The following DLG1 variants were observed in gnomAD, a reference collection of about 807,000 sequenced individuals.
The protein encoded by DLG1 is discs large MAGUK scaffold protein 1.
DLG1 carries 42 observed loss-of-function variants against 123.4 expected under a neutral mutation model. The ratio of observed to expected loss-of-function variants is 0.34; its 90% CI spans 0.27 to 0.44. The LOEUF (loss-of-function observed/expected upper bound fraction) is 0.44. DLG1 is among the 20% of genes least tolerant of loss of function. DLG1 has a pLI of 1.00. For missense variants in DLG1, 942 were observed against 1,082.6 expected (o/e 0.87, Z 1.82); for synonymous variants, 317 against 356.2 (o/e 0.89, Z 1.24).
intron 14 of DLG1, among the ~76,000 whole-genome samples, chr3:197,095,037 G>A (rs1759859614): frequency 6.6e-6 from 1 of 152,032 alleles, no homozygotes; most frequent in Non-Finnish European, 1.5e-5. Context: ...TTCTTCCTAG[G>A]AGACTCCTAT....
At chr3:197,117,564 G>T (rs985225382) in intron 12 of DLG1, among the ~76,000 whole-genome samples, 3 of 152,058 alleles carry the variant, frequency 2.0e-5, no homozygotes, top group Non-Finnish European at 4.4e-5. Flanking sequence ...AGTGAAATAG[G>T]CCAGTCACAA....
Position 197,278,812 on chromosome 3 carries a change from G to C in DLG1, c.318+3867C>G, listed in dbSNP as rs190828345. On this transcript the variant is annotated intron_variant, in intron 4 of 24. Coordinates refer to ENST00000667157, the MANE Select transcript of DLG1 (RefSeq NM_001366207.1). The stretch of plus-strand genomic sequence containing the variant: ...GCATTTTAAGAGAATAACAGTCAAG[G>C]CTTTGTGAAAATTGAGCAATCTTAA... Among the ~76,000 whole-genome samples, 870 of 151,738 alleles carry C rather than the reference G, an allele frequency of 5.7e-3. 7 individuals carry two copies. Among genetic ancestry groups the C allele is most frequent in the African/African-American group, 0.019 (776 of 41,432 alleles).
At chr3:197,054,216 T>C (rs1730023928) in intron 23 of DLG1, among the ~76,000 whole-genome samples, 1 of 152,228 alleles carries the variant, frequency 6.6e-6, no homozygotes, top group Non-Finnish European at 1.5e-5. Context: ...TGTGCCGCAG[T>C]GTGGGTATCT....
At chr3:197,113,488 C>T (rs1771266932) in intron 13 of DLG1, among the ~76,000 whole-genome samples, 1 of 152,096 alleles carries the variant, frequency 6.6e-6, no homozygotes, top group South Asian at 2.1e-4. Context: ...ATCTTTCTCG[C>T]TGCTTTTATA....
chr3:197,147,432 GCACACACACACACACACACA>G (rs67643945), intron 6 of DLG1, among the ~76,000 whole-genome samples: 86 of 147,194 alleles, frequency 5.8e-4, no homozygotes, highest in African/African-American at 2.0e-3. Context: ...TATATGGTGT[GCACACACACACACACACACA>G]CACACACACA....
At chr3:197,208,234 A>G (rs961231401) in intron 4 of DLG1, among the ~76,000 whole-genome samples, 21 of 146,766 alleles carry the variant, frequency 1.4e-4, no homozygotes, top group African/African-American at 4.9e-4. Flanking sequence ...AGATTGTCAA[A>G]TATCCAAGTT....
intron 4 of DLG1, among the ~76,000 whole-genome samples, chr3:197,246,381 A>G (rs887777950): frequency 6.6e-6 from 1 of 152,156 alleles, no homozygotes; most frequent in Middle Eastern, 3.2e-3. Context: ...GTGAACTGTC[A>G]GTGGTTAGTG....
At chr3:197,228,458 TATG>T (rs1312451844) in intron 4 of DLG1, among the ~76,000 whole-genome samples, 1 of 152,256 alleles carries the variant, frequency 6.6e-6, no homozygotes, top group African/African-American at 2.4e-5. Context: ...TATATTCAAC[TATG>T]ATAATATTGT....
chr3:197,054,608 A>G (rs1251516129), intron 23 of DLG1, among the ~76,000 whole-genome samples: 1 of 151,632 alleles, frequency 6.6e-6, no homozygotes, highest in Non-Finnish European at 1.5e-5. Context: ...TTCTTTGTTG[A>G]TATTTCCATT....
chr3:197,277,735 C>G (rs756958673), intron 4 of DLG1, among the ~76,000 whole-genome samples: 1 of 152,158 alleles, frequency 6.6e-6, no homozygotes, highest in Non-Finnish European at 1.5e-5. Flanking sequence ...ACTCTTTACT[C>G]TTGCTTTTTT....
chr3:197,153,456 C>T (rs1794921949), intron 5 of DLG1, among the ~76,000 whole-genome samples: 1 of 152,134 alleles, frequency 6.6e-6, no homozygotes, highest in African/African-American at 2.4e-5. Context: ...AACTGTGTAC[C>T]GCCTGCACAA....
At chr3:197,283,930 T>C (rs927266447) in intron 3 of DLG1, among the ~76,000 whole-genome samples, 1 of 150,020 alleles carries the variant, frequency 6.7e-6, no homozygotes, top group Non-Finnish European at 1.5e-5. Context: ...GGTATGATCT[T>C]GGCTCACGGC....
At chr3:197,267,786 T>A (rs139413562) in intron 4 of DLG1, among the ~76,000 whole-genome samples, 4 of 152,352 alleles carry the variant, frequency 2.6e-5, no homozygotes, top group African/African-American at 9.6e-5. Context: ...GGTATGTATT[T>A]GTTCAGCTAA....
At chr3:197,156,606 A>C (rs2149827638) in intron 5 of DLG1, among the ~76,000 whole-genome samples, 1 of 152,350 alleles carries the variant, frequency 6.6e-6, no homozygotes, top group East Asian at 1.9e-4. Context: ...ACTGAAGGAC[A>C]GAAAGGGGTA....
chr3:197,126,292 C>A (rs900014719), intron 11 of DLG1, among the ~76,000 whole-genome samples: 1 of 151,958 alleles, frequency 6.6e-6, no homozygotes, highest in African/African-American at 2.4e-5. Flanking sequence ...CCTGACCAAA[C>A]ATGGAGAAAC....
intron 3 of DLG1, among the ~76,000 whole-genome samples, chr3:197,287,224 CTCAAT>C (rs1014424043): frequency 5.9e-5 from 9 of 152,136 alleles, no homozygotes; most frequent in Middle Eastern, 3.4e-3. Flanking sequence ...GTACTTTCCA[CTCAAT>C]TCTTCTGTAA....
chr3:197,132,017 T>C (rs1034894226), intron 10 of DLG1, among the ~76,000 whole-genome samples: 5 of 152,240 alleles, frequency 3.3e-5, no homozygotes, highest in African/African-American at 7.2e-5. Context: ...GTCAATTTCA[T>C]CTAAGTTACC....
intron 7 of DLG1, among the ~76,000 whole-genome samples, chr3:197,142,133 TAGAAA>T (rs1788361558): frequency 6.6e-6 from 1 of 152,204 alleles, no homozygotes; most frequent in South Asian, 2.1e-4. Context: ...GTTATTTTGC[TAGAAA>T]AGAAAATTGA....
At chr3:197,221,909 T>C (rs1185964495) in intron 4 of DLG1, among the ~76,000 whole-genome samples, 1 of 152,226 alleles carries the variant, frequency 6.6e-6, no homozygotes, top group Non-Finnish European at 1.5e-5. Context: ...AGTCCCCTGA[T>C]ATAAAGTGGT....
Sources: allele counts gnomAD v4.1 joint callset (sites outside exome capture counted in the v4.1 genomes callset), GRCh38; gene constraint gnomAD v4.1.1; transcripts MANE v1.5; gene names NCBI Gene and HGNC (gene_info 2026-07-23, HGNC 2026-07-21).